Variants in RANBP9 observed in about 807,000 individuals in gnomAD.
RANBP9 encodes the protein RAN binding protein 9.
A neutral mutation model predicts 84.3 loss-of-function variants in RANBP9; 15 were observed. The ratio of observed to expected loss-of-function variants is 0.18; its 90% CI spans 0.12 to 0.27. RANBP9 has a LOEUF of 0.27. Ranked by LOEUF, RANBP9 falls within the 10% of genes least tolerant of loss-of-function variation. RANBP9 has a pLI of 1.00. For missense variants in RANBP9, 809 were observed against 912.8 expected, an observed-to-expected ratio of 0.89 and a Z score of 1.46; for synonymous variants, 392 against 349.6, an observed-to-expected ratio of 1.12 and a Z score of -1.35.
intron 13 of RANBP9, among the ~76,000 whole-genome samples, chr6:13,624,113 T>A (rs190762244): frequency 3.9e-5 from 6 of 152,196 alleles, no homozygotes; most frequent in African/African-American, 1.4e-4. Context: ...ATATAACACA[T>A]TAACCAAAGA....
rs569046416 is a variant in RANBP9, at chr6:13,644,376, TTAAA to T, written c.1112+165_1112+168del. Among the ~76,000 whole-genome samples, 407 of 152,312 alleles carry T rather than the reference TTAAA, an allele frequency of 2.7e-3. 2 individuals carry two copies. The highest frequency in any genetic ancestry group is 9.5e-3 in the African/African-American group (396 of 41,568). On this transcript the variant is annotated intron_variant, in intron 6 of 13. Coordinates refer to ENST00000011619, the MANE Select transcript of RANBP9 (RefSeq NM_005493.3). ...TGTCAAACAATTGTTTTTAATTTGT[TTAAA>T]TAGTGGAGTAAATTACTTTTCGTTG...
intron 11 of RANBP9, among the ~76,000 whole-genome samples, chr6:13,633,002 CACT>C (rs1372795159): frequency 6.6e-6 from 1 of 151,794 alleles, no homozygotes; most frequent in Non-Finnish European, 1.5e-5. Flanking sequence ...AGATTAAATG[CACT>C]ACTTTTAGAA....
chr6:13,625,686 G>A lies in RANBP9; in HGVS notation c.2026C>T (p.Pro676Ser). 1 of 1,612,760 alleles carries A rather than the reference G, an allele frequency of 6.2e-7. No individual in the cohort carries two copies. Among genetic ancestry groups the A allele is most frequent in the Non-Finnish European group, 8.5e-7 (1 of 1,178,812 alleles). ...GCACTGTTAAGAGCTGAGCACACAG[G>A]TTCTCTCTGAATCGGGTCAAGCTGA... The part of the protein sequence containing the change: ...GNQLDPIQRE[P>S]VCSALNSAIL... Residue 676 changes from proline (P) to serine (S), a missense_variant, in exon 13 of 14, where the codon CCT (proline) becomes TCT (serine). Physicochemically the swap from Pro to Ser is moderately conservative, Grantham distance 74. Transcript: ENST00000011619.
intron 1 of RANBP9, among the ~76,000 whole-genome samples, chr6:13,701,876 A>C (rs1375159535): frequency 6.6e-6 from 1 of 152,038 alleles, no homozygotes; most frequent in Non-Finnish European, 1.5e-5. Context: ...GGCAGTCTTC[A>C]CCTCTTCCAC....
intron 1 of RANBP9, 33 bp from the exon 2 acceptor site, chr6:13,696,929 C>T (rs1415782564): frequency 2.0e-6 from 3 of 1,519,004 alleles, no homozygotes; most frequent in South Asian, 2.3e-5. Flanking sequence ...AAAGAAGTCA[C>T]ATGAGATATT....
At chr6:13,706,921 A>G (rs1344237775) in intron 1 of RANBP9, among the ~76,000 whole-genome samples, 1 of 151,812 alleles carries the variant, frequency 6.6e-6, no homozygotes, top group Non-Finnish European at 1.5e-5. Context: ...GAGGCAGAAG[A>G]ACTGCATGAA....
At chr6:13,673,856 G>C (rs965540518) in intron 2 of RANBP9, among the ~76,000 whole-genome samples, 1 of 152,142 alleles carries the variant, frequency 6.6e-6, no homozygotes, top group Non-Finnish European at 1.5e-5. Flanking sequence ...GCCGAGGCAG[G>C]AGGATCACTT....
chr6:13,655,305 C>T (rs1765373424), intron 4 of RANBP9, among the ~76,000 whole-genome samples: 1 of 152,254 alleles, frequency 6.6e-6, no homozygotes, highest in South Asian at 2.1e-4. Flanking sequence ...AACCCCATCT[C>T]TACTAAAAAT....
At chr6:13,710,552 C>A (rs1001798661) in intron 1 of RANBP9, among the ~76,000 whole-genome samples, 3 of 152,136 alleles carry the variant, frequency 2.0e-5, no homozygotes, top group African/African-American at 7.2e-5. Context: ...TGACCCACCA[C>A]CTGGAGAACA....
At chr6:13,677,551 T>G (rs1012111707) in intron 2 of RANBP9, among the ~76,000 whole-genome samples, 1 of 152,148 alleles carries the variant, frequency 6.6e-6, no homozygotes, top group Admixed American at 6.6e-5. Context: ...ATGAATATAA[T>G]AAGACTTAAG....
intron 12 of RANBP9, among the ~76,000 whole-genome samples, 196 bp downstream of exon 12, chr6:13,632,174 G>GTTTTTTTTTTTTT (rs1764805529): frequency 1.3e-5 from 1 of 79,404 alleles, no homozygotes; most frequent in Non-Finnish European, 2.3e-5. Flanking sequence ...TTTTGCTTTA[G>GTTTTTTTTTTTTT]TCCAATGCTC....
At chr6:13,673,077 C>T (rs1023721129) in intron 2 of RANBP9, among the ~76,000 whole-genome samples, 1 of 152,102 alleles carries the variant, frequency 6.6e-6, no homozygotes, top group Admixed American at 6.6e-5. Context: ...ACAGGATAAA[C>T]ATCAAAACAT....
chr6:13,670,467 G>A (rs1283080572), intron 2 of RANBP9, among the ~76,000 whole-genome samples: 1 of 152,010 alleles, frequency 6.6e-6, no homozygotes, highest in Non-Finnish European at 1.5e-5. Flanking sequence ...TGGTCTCTTA[G>A]ATATGACATC....
At chr6:13,638,414 G>A (rs1019002751) in intron 9 of RANBP9, among the ~76,000 whole-genome samples, 2 of 152,128 alleles carry the variant, frequency 1.3e-5, no homozygotes, top group Non-Finnish European at 2.9e-5. Flanking sequence ...AAGCAATGGT[G>A]TTACTTCATG....
At chr6:13,692,527 CAA>C (rs61237158) in intron 2 of RANBP9, among the ~76,000 whole-genome samples, 47 of 28,720 alleles carry the variant, frequency 1.6e-3, no homozygotes, top group African/African-American at 5.2e-3. Context: ...AACTCCGTCT[CAA>C]AAAAAAAAAA....
chr6:13,705,724 G>A (rs911327688), intron 1 of RANBP9, among the ~76,000 whole-genome samples: 1 of 151,896 alleles, frequency 6.6e-6, no homozygotes, highest in Non-Finnish European at 1.5e-5. Context: ...TTAGCCAGGC[G>A]TGGTGGCAGG....
chr6:13,675,208 T>A (rs191341943), intron 2 of RANBP9, among the ~76,000 whole-genome samples: 94 of 152,320 alleles, frequency 6.2e-4, no homozygotes, highest in African/African-American at 1.9e-3. Context: ...AATAACCGCA[T>A]AATACATATT....
chr6:13,694,923 G>A (rs1050263538), intron 2 of RANBP9, among the ~76,000 whole-genome samples: 2 of 152,140 alleles, frequency 1.3e-5, no homozygotes, highest in African/African-American at 4.8e-5. Flanking sequence ...CCACAGATAA[G>A]GGGAGTCTCC....
chr6:13,640,177 C>G (rs1765032522), intron 8 of RANBP9, among the ~76,000 whole-genome samples: 1 of 152,090 alleles, frequency 6.6e-6, no homozygotes, highest in South Asian at 2.1e-4. Context: ...AACCTCTTAA[C>G]CAAAATGGGC....
Sources: allele counts gnomAD v4.1 joint callset (sites outside exome capture counted in the v4.1 genomes callset), GRCh38; gene constraint gnomAD v4.1.1; transcripts MANE v1.5; gene names NCBI Gene and HGNC (gene_info 2026-07-23, HGNC 2026-07-21).